TRPM6: variants seen among roughly 807,000 people sequenced by gnomAD.
TRPM6 encodes the protein transient receptor potential cation channel subfamily M member 6, also known as channel kinase 2.
A neutral mutation model predicts 247.6 loss-of-function variants in TRPM6; 111 were observed. The observed-to-expected ratio is 0.45, with a 90% CI of 0.38 to 0.52. The LOEUF (loss-of-function observed/expected upper bound fraction) is 0.52, where lower values mean the gene tolerates loss of function less well. Among genes scored for constraint, TRPM6 ranks in the 20% least tolerant of loss-of-function variants. The probability of loss-of-function intolerance (pLI) is 0.00; values close to 1 mark genes in which losing one functional copy is unlikely to be tolerated. For synonymous variants in TRPM6, 892 were observed against 853.8 expected (o/e 1.04, Z -0.78); for missense variants, 2,126 against 2,421.5 (o/e 0.88, Z 2.56).
At chr9:74,782,274 G>A (rs1435794350) in intron 23 of TRPM6, 88 bp downstream of exon 23, 46 of 964,934 alleles carry the variant, frequency 4.8e-5, no homozygotes, top group Non-Finnish European at 7.0e-5. Context: ...AAAATCAAAG[G>A]TTACATACTC....
intron 3 of TRPM6, among the ~76,000 whole-genome samples, chr9:74,852,800 T>G (rs1035631666): frequency 3.9e-5 from 6 of 152,190 alleles, no homozygotes; most frequent in East Asian, 3.9e-4. Flanking sequence ...GTGCTCAATG[T>G]TGCCCAGGCT....
Position 74,878,418 on chromosome 9 carries a change from G to A in TRPM6, c.33+9406C>T, listed in dbSNP as rs1318738339. ...ACTGCTATCACCACTAGGGCCCAAG[G>A]ACTGGCCCATCTTATGTCCCCATCC... On this transcript the variant is annotated intron_variant, in intron 1 of 38. Transcript: ENST00000360774. 1.3e-5 allele frequency among the ~76,000 whole-genome samples: 2 copies of A among 152,164 alleles called. 1 individual carries two copies. The highest frequency in any genetic ancestry group is 2.9e-5 in the Non-Finnish European group (2 of 68,026).
At chr9:74,800,902 GTGTTTTTTT>G (rs1828306427) in intron 16 of TRPM6, among the ~76,000 whole-genome samples, 1 of 127,040 alleles carries the variant, frequency 7.9e-6, no homozygotes, top group Non-Finnish European at 1.6e-5. Flanking sequence ...CTAATAAAGT[GTGTTTTTTT>G]TTTTTTTTTT....
Position 74,763,041 on chromosome 9 carries a change from G to A in TRPM6, c.3630C>T (p.His1210=). The change falls in exon 26 of 39, where the codon CAC becomes CAT. Residue 1210 remains histidine, a synonymous_variant. Coordinates refer to ENST00000360774, the MANE Select transcript of TRPM6 (RefSeq NM_017662.5). ...CAGTCAGGGCAGAGAGATCCTGCAG[G>A]TGTCCCACCTGGCTGTCCAAAGACA... ...SLLSLDSQVG[H]LQDLSALTVD... is the part of the protein sequence containing the mutation. 6.2e-7 allele frequency: 1 copy of A among 1,614,112 alleles called. No homozygotes were observed. Among genetic ancestry groups the A allele is most frequent in the Non-Finnish European group, 8.5e-7 (1 of 1,179,992 alleles).
chr9:74,765,804 G>C (rs1213531827), intron 25 of TRPM6, among the ~76,000 whole-genome samples: 7 of 152,112 alleles, frequency 4.6e-5, no homozygotes, highest in African/African-American at 1.7e-4. Flanking sequence ...CCTCTTTCTG[G>C]GACCTTTGTA....
intron 1 of TRPM6, among the ~76,000 whole-genome samples, chr9:74,874,990 C>T (rs905362253): frequency 6.6e-6 from 1 of 151,590 alleles, no homozygotes; most frequent in Non-Finnish European, 1.5e-5. Flanking sequence ...GTCTCAAACT[C>T]CTGACCTCAG....
At chr9:74,800,518 A>G in intron 16 of TRPM6, 36 bp from the exon 17 acceptor site, 1 of 1,418,948 alleles carries the variant, frequency 7.0e-7, no homozygotes, top group Non-Finnish European at 1.0e-6. Flanking sequence ...AAACAAAGGC[A>G]GGTGAGAGAG....
intron 37 of TRPM6, among the ~76,000 whole-genome samples, chr9:74,729,992 A>G (rs547885792): frequency 7.9e-5 from 12 of 152,346 alleles, no homozygotes; most frequent in African/African-American, 1.4e-4. Context: ...TACCAAATGC[A>G]TATAGCAGGA....
At chr9:74,767,697 G>A (rs73532451) in intron 25 of TRPM6, among the ~76,000 whole-genome samples, 3,122 of 152,144 alleles carry the variant, frequency 0.021, 115 homozygotes, top group African/African-American at 0.072. Context: ...GCTCAGATGC[G>A]GTAACTCACG....
chr9:74,763,412 A>C (rs947494188), intron 25 of TRPM6, among the ~76,000 whole-genome samples: 4 of 152,174 alleles, frequency 2.6e-5, no homozygotes, highest in African/African-American at 9.7e-5. Context: ...CCACATTTCC[A>C]GTTCCAGCTA....
At chr9:74,783,431 C>T (rs898421627) in intron 21 of TRPM6, among the ~76,000 whole-genome samples, 5 of 152,176 alleles carry the variant, frequency 3.3e-5, no homozygotes, top group East Asian at 1.9e-4. Context: ...GGCTGTGAAA[C>T]GTATTCAAGC....
intron 1 of TRPM6, among the ~76,000 whole-genome samples, chr9:74,869,852 G>T (rs995425489): frequency 3.3e-5 from 5 of 152,134 alleles, no homozygotes; most frequent in African/African-American, 9.7e-5. Flanking sequence ...TGAAGAGGAA[G>T]GCTCTGCCTT....
At chr9:74,833,888 G>T in intron 6 of TRPM6, 110 bp downstream of exon 6, 2 of 1,447,036 alleles carry the variant, frequency 1.4e-6, no homozygotes, top group East Asian at 2.4e-5. Context: ...AGTTGGTAGT[G>T]AATATATTAC....
At chr9:74,784,758 T>C (rs995758794) in intron 21 of TRPM6, among the ~76,000 whole-genome samples, 4 of 152,168 alleles carry the variant, frequency 2.6e-5, no homozygotes, top group Non-Finnish European at 5.9e-5. Flanking sequence ...TTGCTAATAC[T>C]AGTTTGTGGT....
chr9:74,738,237 T>C (rs915724448), intron 36 of TRPM6, among the ~76,000 whole-genome samples, 170 bp downstream of exon 36: 2 of 152,114 alleles, frequency 1.3e-5, no homozygotes, highest in Non-Finnish European at 1.5e-5. Context: ...AAGTGGGAAA[T>C]AACATAGCAG....
At chr9:74,842,450 A>G in intron 3 of TRPM6, 107 bp from the exon 4 acceptor site, 3 of 1,138,446 alleles carry the variant, frequency 2.6e-6, no homozygotes, top group Non-Finnish European at 3.9e-6. Context: ...ATTTCTTAAA[A>G]CTTCACATTA....
At chr9:74,834,200 T>A in intron 5 of TRPM6, 78 bp from the exon 6 acceptor site, 1 of 1,573,210 alleles carries the variant, frequency 6.4e-7, no homozygotes, top group Non-Finnish European at 8.7e-7. Flanking sequence ...AACAGACAAA[T>A]AAATAGGCAA....
intron 6 of TRPM6, among the ~76,000 whole-genome samples, chr9:74,833,088 A>G (rs931735858): frequency 6.6e-6 from 1 of 152,124 alleles, no homozygotes; most frequent in Non-Finnish European, 1.5e-5. Flanking sequence ...ACCCATAATC[A>G]TGTCTGTATT....
intron 23 of TRPM6, among the ~76,000 whole-genome samples, chr9:74,780,116 G>A (rs1325327184): frequency 1.3e-5 from 2 of 151,398 alleles, no homozygotes; most frequent in African/African-American, 4.9e-5. Context: ...AGGTTGCAGT[G>A]AGCCGAGATA....
Sources: allele counts gnomAD v4.1 joint callset (sites outside exome capture counted in the v4.1 genomes callset), GRCh38; gene constraint gnomAD v4.1.1; transcripts MANE v1.5; gene names NCBI Gene and HGNC (gene_info 2026-07-23, HGNC 2026-07-21).